FAM117B: variants seen among roughly 807,000 people sequenced by gnomAD.
FAM117B encodes the protein protein FAM117B.
In FAM117B, 22 loss-of-function variants were observed where a neutral mutation model predicts 52.8. The observed-to-expected ratio is 0.42, with a 90% CI of 0.30 to 0.59. FAM117B has a LOEUF of 0.59. Among genes scored for constraint, FAM117B ranks in the 20% least tolerant of loss-of-function variants. The pLI, the probability that FAM117B is intolerant of heterozygous loss-of-function variation, is 0.22. For missense variants in FAM117B, 678 were observed against 802.6 expected (o/e 0.84, Z 1.88); for synonymous variants, 309 against 324.1 (o/e 0.95, Z 0.50).
intron 4 of FAM117B, among the ~76,000 whole-genome samples, chr2:202,732,727 A>G (rs1691374372): frequency 6.6e-6 from 1 of 152,142 alleles, no homozygotes; most frequent in Admixed American, 6.5e-5. Flanking sequence ...AGGCTGCGGC[A>G]GGAGAATCAC....
intron 2 of FAM117B, among the ~76,000 whole-genome samples, chr2:202,712,994 T>C (rs886170783): frequency 8.5e-5 from 13 of 152,196 alleles, no homozygotes; most frequent in African/African-American, 3.1e-4. Flanking sequence ...TGGCCTATAG[T>C]TTTCTTTCTT....
intron 7 of FAM117B, among the ~76,000 whole-genome samples, chr2:202,763,686 A>G (rs1033734226): frequency 6.6e-5 from 10 of 152,216 alleles, no homozygotes; most frequent in East Asian, 1.9e-4. Flanking sequence ...GTACTCAACT[A>G]TTCTACAAAG....
At chr2:202,699,192 T>A (rs1315293729) in intron 2 of FAM117B, among the ~76,000 whole-genome samples, 2 of 151,932 alleles carry the variant, frequency 1.3e-5, no homozygotes, top group Non-Finnish European at 2.9e-5. Flanking sequence ...TTTGGGAGGC[T>A]GAGGTGGGCG....
intron 1 of FAM117B, among the ~76,000 whole-genome samples, chr2:202,646,847 A>G (rs545719505): frequency 6.6e-6 from 1 of 152,158 alleles, no homozygotes; most frequent in South Asian, 2.1e-4. Flanking sequence ...TACCTTGTTT[A>G]AGTGATAACA....
At chr2:202,696,135 A>G (rs1435793149) in intron 2 of FAM117B, 103 bp downstream of exon 2, 1 of 1,238,262 alleles carries the variant, frequency 8.1e-7, no homozygotes, top group East Asian at 2.6e-5. Flanking sequence ...AGTGTATATT[A>G]GAATTAACTT....
intron 4 of FAM117B, among the ~76,000 whole-genome samples, chr2:202,740,290 T>C (rs1350733464): frequency 2.2e-5 from 3 of 138,664 alleles, no homozygotes; most frequent in Admixed American, 7.7e-5. Flanking sequence ...AACCTGTGAG[T>C]CGGAGGTTGC....
Position 202,767,434 on chromosome 2 carries a change from A to G in FAM117B, c.*1670A>G, listed in dbSNP as rs561057685. 6.6e-6 allele frequency: 1 copy of G among 152,362 alleles called. No homozygotes were observed. Among genetic ancestry groups the G allele is most frequent in the East Asian group, 1.9e-4 (1 of 5,190 alleles). The allele number at this position is 152,362 out of a possible 1,614,324, so 9.4% of individuals were successfully genotyped here. A position where few individuals can be genotyped will look rare whatever the true frequency, so the allele number is the denominator to read the frequency against. On this transcript the variant is annotated 3_prime_UTR_variant, in exon 8 of 8. Coordinates refer to ENST00000392238, the MANE Select transcript of FAM117B (RefSeq NM_173511.4). ...CTTGGCCTCCCAAAGTGCTGGGATT[A>G]CAGGTGTGAGCCACCACGCCCATCC...
At position 202,769,570 on chromosome 2, in the gene FAM117B, C is replaced by G. The variant is rs1343765520; in HGVS notation, c.*3806C>G. 1 of 152,344 alleles carries G rather than the reference C, an allele frequency of 6.6e-6. No individual in the cohort carries two copies. The highest frequency in any genetic ancestry group is 1.5e-5 in the Non-Finnish European group (1 of 67,996). The allele number at this position is 152,344 out of a possible 1,614,324, so 9.4% of individuals were successfully genotyped here. On this transcript the variant is annotated 3_prime_UTR_variant, in exon 8 of 8. Coordinates refer to ENST00000392238, the MANE Select transcript of FAM117B (RefSeq NM_173511.4). ...TCTTCATTTTTTGTCTCTGTGGAAG[C>G]TGTGTAACTCTTTTTAAAATGCAAT...
chr2:202,730,218 A>G (rs1335471235), intron 4 of FAM117B, among the ~76,000 whole-genome samples: 3 of 152,188 alleles, frequency 2.0e-5, no homozygotes, highest in Non-Finnish European at 2.9e-5. Flanking sequence ...CAGAGAGGTC[A>G]GGTATATTGT....
intron 1 of FAM117B, among the ~76,000 whole-genome samples, chr2:202,692,501 A>G (rs959708134): frequency 5.9e-5 from 9 of 152,210 alleles, no homozygotes; most frequent in East Asian, 1.9e-4. Flanking sequence ...TTTTTCACAA[A>G]TTTTTAAAGG....
intron 1 of FAM117B, among the ~76,000 whole-genome samples, chr2:202,682,119 A>T (rs1012597376): frequency 6.6e-6 from 1 of 152,182 alleles, no homozygotes; most frequent in Non-Finnish European, 1.5e-5. Context: ...TCTCCTTTTC[A>T]GCTCCTCTTC....
chr2:202,654,176 A>C (rs1020378885), intron 1 of FAM117B, among the ~76,000 whole-genome samples: 10 of 150,474 alleles, frequency 6.6e-5, no homozygotes, highest in Non-Finnish European at 1.2e-4. Context: ...AGTAATATTA[A>C]ATTTTATTGG....
At chr2:202,660,088 C>T (rs1690107572) in intron 1 of FAM117B, among the ~76,000 whole-genome samples, 2 of 151,548 alleles carry the variant, frequency 1.3e-5, no homozygotes, top group Non-Finnish European at 2.9e-5. Flanking sequence ...TCATTTAGTT[C>T]TTTTTTATAG....
chr2:202,729,735 G>A (rs753349402), intron 4 of FAM117B, among the ~76,000 whole-genome samples: 3 of 152,156 alleles, frequency 2.0e-5, no homozygotes, highest in Non-Finnish European at 4.4e-5. Flanking sequence ...TGAAAGATAA[G>A]TATAAGGTGG....
At chr2:202,699,452 A>G (rs1690765565) in intron 2 of FAM117B, among the ~76,000 whole-genome samples, 2 of 145,194 alleles carry the variant, frequency 1.4e-5, no homozygotes, top group African/African-American at 5.4e-5. Flanking sequence ...AAAAAAAGAA[A>G]AAAAAAAAAA....
At chr2:202,751,698 G>C (rs1270109061) in intron 4 of FAM117B, among the ~76,000 whole-genome samples, 3 of 151,046 alleles carry the variant, frequency 2.0e-5, no homozygotes, top group South Asian at 2.1e-4. Context: ...CTTGAACCCG[G>C]GAGGCTGTGG....
rs1048765359 is a variant in FAM117B, at chr2:202,635,774, C to G, written c.587C>G (p.Pro196Arg). 5.5e-6 allele frequency: 8 copies of G among 1,453,040 alleles called. No homozygotes were observed. Among genetic ancestry groups the G allele is most frequent in the Admixed American group, 2.4e-5 (1 of 41,242 alleles). The allele number at this position is 1,453,040 out of a possible 1,614,324, so 90.0% of individuals were successfully genotyped here. A position where few individuals can be genotyped will look rare whatever the true frequency, so the allele number is the denominator to read the frequency against. ...CCGGAGAAGAGGAGCCCCAGCGCCC[C>G]GGTTTGCAAAGCAGGTAAGTGCTGG... ...SSPEKRSPSA[P>R]VCKAGDKTRQ... The change falls in exon 1 of 8, where the codon CCG becomes CGG. Residue 196 changes from proline to arginine, a missense_variant. By Grantham distance (103) the Pro-to-Arg change is moderately radical (BLOSUM62 -2). Coordinates refer to ENST00000392238, the MANE Select transcript of FAM117B (RefSeq NM_173511.4).
intron 1 of FAM117B, among the ~76,000 whole-genome samples, chr2:202,688,599 AT>A (rs1328771008): frequency 6.6e-5 from 10 of 152,152 alleles, no homozygotes; most frequent in Non-Finnish European, 1.5e-4. Context: ...TTGGAGTAAT[AT>A]TTTTGAAATA....
At chr2:202,653,652 AT>A (rs1221454467) in intron 1 of FAM117B, among the ~76,000 whole-genome samples, 1 of 152,206 alleles carries the variant, frequency 6.6e-6, no homozygotes, top group African/African-American at 2.4e-5. Flanking sequence ...TTCCCTGATA[AT>A]TGAGAGTTTG....
Sources: gnomAD v4.1 joint callset for allele counts (sites outside exome capture counted in the v4.1 genomes callset) on GRCh38, gnomAD v4.1.1 for gene constraint, MANE v1.5 for transcripts, NCBI Gene and HGNC (gene_info 2026-07-23, HGNC 2026-07-21) for gene names.